ADAMTSL1: variants seen among roughly 807,000 people sequenced by gnomAD.
ADAMTSL1 encodes ADAMTS like 1, also known as ADAMTS-like protein 1.
In ADAMTSL1, 126 loss-of-function variants were observed where a neutral mutation model predicts 201.8. That is an observed-to-expected ratio of 0.62 (90% CI 0.54 to 0.72). The LOEUF (loss-of-function observed/expected upper bound fraction) is 0.72, where lower values mean the gene tolerates loss of function less well. Among genes scored for constraint, ADAMTSL1 ranks in the 30% least tolerant of loss-of-function variants. The pLI, the probability that ADAMTSL1 is intolerant of heterozygous loss-of-function variation, is 0.00. For synonymous variants in ADAMTSL1, 1,121 were observed against 903.4 expected (o/e 1.24, Z -4.32); for missense variants, 2,679 against 2,277.8 (o/e 1.18, Z -3.59).
At chr9:18,072,764 AT>A (rs1823025954) in intron 1 of ADAMTSL1, among the ~76,000 whole-genome samples, 1 of 152,160 alleles carries the variant, frequency 6.6e-6, no homozygotes, top group Admixed American at 6.6e-5. Context: ...TAGGCTGACA[AT>A]TTTCATTGCC....
chr9:18,777,229 G>A lies in ADAMTSL1; in HGVS notation c.3000G>A (p.Gly1000=), dbSNP rs200971374. The change falls in exon 19 of 29, where the codon GGG becomes GGA. Residue 1000 remains glycine, a synonymous_variant. Coordinates refer to ENST00000380548, the MANE Select transcript of ADAMTSL1 (RefSeq NM_001040272.6). The stretch of plus-strand genomic sequence containing the variant: ...TGCAGACCCACAAACACCAGAACGG[G>A]ATCTTCTCCAACGGCAGCAAGGCGG... ...EALQTHKHQN[G]IFSNGSKAEK... The A allele has an allele frequency of 1.3e-5, 21 of 1,612,758 alleles. No homozygotes were observed. The highest frequency in any genetic ancestry group is 1.7e-5 in the Non-Finnish European group (20 of 1,179,770).
intron 9 of ADAMTSL1, among the ~76,000 whole-genome samples, chr9:18,664,963 T>C (rs1168198926): frequency 6.6e-6 from 1 of 152,102 alleles, no homozygotes; most frequent in Non-Finnish European, 1.5e-5. Flanking sequence ...TTCAAACATG[T>C]TAAGCAACTA....
At chr9:18,069,441 C>A (rs1022958452) in intron 1 of ADAMTSL1, among the ~76,000 whole-genome samples, 1 of 152,134 alleles carries the variant, frequency 6.6e-6, no homozygotes, top group Non-Finnish European at 1.5e-5. Context: ...ATGGAAAATG[C>A]AAACACTGAA....
At chr9:18,049,509 C>T (rs932639714) in intron 1 of ADAMTSL1, among the ~76,000 whole-genome samples, 1 of 152,162 alleles carries the variant, frequency 6.6e-6, no homozygotes, top group African/African-American at 2.4e-5. Flanking sequence ...CATCTTATAA[C>T]CATGTGAGGA....
intron 1 of ADAMTSL1, among the ~76,000 whole-genome samples, chr9:17,944,471 G>T (rs1273585562): frequency 6.6e-6 from 1 of 152,026 alleles, no homozygotes; most frequent in Non-Finnish European, 1.5e-5. Context: ...CTACTTTAAA[G>T]TTCATATGGA....
intron 5 of ADAMTSL1, among the ~76,000 whole-genome samples, chr9:18,630,327 C>G (rs142160786): frequency 2.0e-5 from 3 of 152,314 alleles, no homozygotes; most frequent in African/African-American, 7.2e-5. Context: ...GTGTACTCTT[C>G]TCTATAATTC....
At chr9:18,376,683 G>A (rs1457988109) in intron 2 of ADAMTSL1, among the ~76,000 whole-genome samples, 1 of 152,128 alleles carries the variant, frequency 6.6e-6, no homozygotes, top group Non-Finnish European at 1.5e-5. Flanking sequence ...GAACCCACCT[G>A]TAATCCCAAC....
intron 4 of ADAMTSL1, among the ~76,000 whole-genome samples, chr9:18,609,898 G>A (rs1262760826): frequency 1.3e-5 from 2 of 152,154 alleles, no homozygotes; most frequent in Admixed American, 6.5e-5. Context: ...ATATAAAATA[G>A]GTTGGATTAT....
At chr9:18,681,491 C>A in intron 11 of ADAMTSL1, 1 of 173,614 alleles carries the variant, frequency 5.8e-6, no homozygotes, top group Non-Finnish European at 1.2e-5. Flanking sequence ...TAAGCACACT[C>A]TACAGTCTCT....
At chr9:18,033,410 A>G (rs535385398) in intron 1 of ADAMTSL1, among the ~76,000 whole-genome samples, 1 of 152,334 alleles carries the variant, frequency 6.6e-6, no homozygotes, top group African/African-American at 2.4e-5. Flanking sequence ...AGAAATCACT[A>G]AAGTTTACTA....
intron 2 of ADAMTSL1, among the ~76,000 whole-genome samples, chr9:18,272,244 G>T (rs541363989): frequency 4.1e-4 from 62 of 152,150 alleles, no homozygotes; most frequent in African/African-American, 1.4e-3. Flanking sequence ...GCATGGTACT[G>T]GTACCAAAAC....
chr9:18,084,772 T>G (rs975052178), intron 1 of ADAMTSL1, among the ~76,000 whole-genome samples: 1 of 134,620 alleles, frequency 7.4e-6, no homozygotes, highest in African/African-American at 2.8e-5. Flanking sequence ...GCTGGAGACA[T>G]GAGAGTGAGC....
chr9:18,685,068 C>G (rs919890307), intron 13 of ADAMTSL1: 27 of 984,942 alleles, frequency 2.7e-5, no homozygotes, highest in Non-Finnish European at 3.4e-5. Context: ...CCTCTCTTCT[C>G]TGCGCAAGGG....
At chr9:18,428,848 A>C (rs1819353756) in intron 2 of ADAMTSL1, among the ~76,000 whole-genome samples, 1 of 152,194 alleles carries the variant, frequency 6.6e-6, no homozygotes, top group Non-Finnish European at 1.5e-5. Context: ...TGGGCCCTCC[A>C]TAAATCTTCT....
intron 2 of ADAMTSL1, among the ~76,000 whole-genome samples, chr9:18,523,354 T>G (rs551111099): frequency 6.6e-6 from 1 of 152,310 alleles, no homozygotes; most frequent in Admixed American, 6.5e-5. Context: ...CTTTGTCAGA[T>G]GAGTAGGTTG....
intron 2 of ADAMTSL1, 86 bp from the exon 3 acceptor site, chr9:18,533,161 A>G (rs2132106462): frequency 1.7e-6 from 2 of 1,192,374 alleles, no homozygotes; most frequent in Middle Eastern, 2.8e-4. Context: ...TTTTACTAGT[A>G]TTTAGAGCAA....
At chr9:18,059,266 A>C (rs556958712) in intron 1 of ADAMTSL1, among the ~76,000 whole-genome samples, 3 of 152,180 alleles carry the variant, frequency 2.0e-5, no homozygotes, top group African/African-American at 7.2e-5. Flanking sequence ...GTTTCATGTC[A>C]CCTTTGCATT....
intron 2 of ADAMTSL1, among the ~76,000 whole-genome samples, chr9:18,326,103 GCCCCA>G (rs1175224103): frequency 2.0e-5 from 3 of 152,114 alleles, no homozygotes; most frequent in African/African-American, 7.2e-5. Context: ...CCTTGTAAAG[GCCCCA>G]CCTCTTAATG....
In ADAMTSL1 at chr9:18,143,956, A is replaced by G. The variant is rs10120624; in HGVS notation, c.88-19906A>G. 6.2e-3 allele frequency among the ~76,000 whole-genome samples: 947 copies of G among 152,300 alleles called. 7 individuals carry two copies. Among genetic ancestry groups the G allele is most frequent in the African/African-American group, 0.019 (793 of 41,574 alleles). On this transcript the variant is annotated intron_variant, in intron 1 of 29. Coordinates refer to the ADAMTSL1 transcript ENST00000680146. ...ATAAAATATGTTTTAAGACTTTCCA[A>G]AAGATTTCTGGTGGGAACGTTTAAC... is the stretch of plus-strand genomic sequence containing the variant.
Sources: gnomAD v4.1 joint callset for allele counts (sites outside exome capture counted in the v4.1 genomes callset) on GRCh38, gnomAD v4.1.1 for gene constraint, MANE v1.5 for transcripts, NCBI Gene and HGNC (gene_info 2026-07-23, HGNC 2026-07-21) for gene names.